NFIB: variants seen among roughly 807,000 people sequenced by gnomAD.
NFIB encodes nuclear factor I B.
A neutral mutation model predicts 61.5 loss-of-function variants in NFIB; 11 were observed. The observed-to-expected ratio is 0.18, with a 90% confidence interval of 0.11 to 0.30. The LOEUF is 0.30. Ranked by LOEUF, NFIB falls within the 10% of genes least tolerant of loss-of-function variation. NFIB has a pLI of 1.00. For missense variants in NFIB, 471 were observed against 608.9 expected, an observed-to-expected ratio of 0.77 and a Z score of 2.38; for synonymous variants, 260 against 216.5, an observed-to-expected ratio of 1.20 and a Z score of -1.76.
intron 1 of NFIB, among the ~76,000 whole-genome samples, chr9:14,331,700 C>T (rs1480235563): frequency 6.6e-6 from 1 of 152,188 alleles, no homozygotes; most frequent in African/African-American, 2.4e-5. Context: ...CAAATCCTGA[C>T]TTAGCCACGC....
the NFIB span, among the ~76,000 whole-genome samples, chr9:14,465,841 C>A: frequency 6.6e-6 from 1 of 152,286 alleles, no homozygotes; most frequent in South Asian, 2.1e-4. Flanking sequence ...AGCATCCCTG[C>A]ACCCTACCCA....
chr9:14,469,562 A>G, the NFIB span, among the ~76,000 whole-genome samples: 2 of 152,168 alleles, frequency 1.3e-5, no homozygotes, highest in African/African-American at 2.4e-5. Flanking sequence ...CTCTGCATGC[A>G]TGCTCCTAAA....
chr9:14,151,637 T>A lies in NFIB; in HGVS notation c.686-1372A>T, dbSNP rs151041135. Reference sequence around the variant, plus strand: ...ATAGCTGGCACTGGACTCTGGAGAATGAGTAAGAGATTAGAGGGAGGTCAT... The same window carrying A: ...ATAGCTGGCACTGGACTCTGGAGAAAGAGTAAGAGATTAGAGGGAGGTCAT... On this transcript the variant is annotated intron_variant, in intron 4 of 10. Coordinates refer to ENST00000380953, the MANE Select transcript of NFIB (RefSeq NM_001190737.2). Among the ~76,000 whole-genome samples the A allele has an allele frequency of 4.0e-3, 612 of 152,230 alleles. 21 individuals carry two copies. In the East Asian group the frequency reaches 0.056, roughly 14 times the overall value.
chr9:14,100,428 G>A lies in NFIB; in HGVS notation c.1468-12102C>T, dbSNP rs1314805349. ...AGTTTTTATTTAAAAAATTACTGTG[G>A]CCGGGCGCGGTGGCTCACGCCTGTA... On this transcript the variant is annotated intron_variant, in intron 10 of 10. Coordinates refer to ENST00000380953, the MANE Select transcript of NFIB (RefSeq NM_001190737.2). Among the ~76,000 whole-genome samples, 4 of 152,170 alleles carry A rather than the reference G, an allele frequency of 2.6e-5. No homozygotes were observed. The East Asian group carries it at 5.8e-4, about 22-fold the overall frequency.
At chr9:14,348,145 G>A (rs1420335550) in intron 1 of NFIB, among the ~76,000 whole-genome samples, 2 of 152,238 alleles carry the variant, frequency 1.3e-5, no homozygotes, top group African/African-American at 4.8e-5. Flanking sequence ...GCGTGAGGCC[G>A]CCGCGGCCCA....
At chr9:14,398,678 C>T (rs1456775360) in exon 1 of NFIB, 4 of 1,352,538 alleles carry the variant, frequency 3.0e-6, no homozygotes, top group Non-Finnish European at 4.0e-6. Context: ...CTGCTTCTGC[C>T]ATTTGCGCTG....
chr9:14,245,265 C>A (rs1236787254), intron 2 of NFIB, among the ~76,000 whole-genome samples: 2 of 152,136 alleles, frequency 1.3e-5, no homozygotes, highest in Non-Finnish European at 2.9e-5. Flanking sequence ...CAGTCACACC[C>A]AACTCCTTCT....
intron 2 of NFIB, among the ~76,000 whole-genome samples, chr9:14,189,753 C>A (rs779991295): frequency 1.5e-4 from 22 of 150,046 alleles, no homozygotes; most frequent in Non-Finnish European, 2.8e-4. Flanking sequence ...ACTGCCCTAG[C>A]ATATTCCTGG....
chr9:14,115,862 C>T (rs1194752444), intron 9 of NFIB, among the ~76,000 whole-genome samples: 4 of 152,136 alleles, frequency 2.6e-5, no homozygotes, highest in Admixed American at 6.5e-5. Flanking sequence ...TTGGGTGATA[C>T]GAAAACTTTG....
chr9:14,406,536 G>T, the NFIB span, among the ~76,000 whole-genome samples: 1 of 152,278 alleles, frequency 6.6e-6, no homozygotes, highest in Middle Eastern at 3.4e-3. Context: ...GTGTGTGATT[G>T]TGCTGTGTGT....
the NFIB span, among the ~76,000 whole-genome samples, chr9:14,428,693 G>A: frequency 1.6e-4 from 24 of 152,162 alleles, no homozygotes; most frequent in Admixed American, 3.3e-4. Context: ...GCCTTTGAAC[G>A]TTGACATTCA....
the NFIB span, among the ~76,000 whole-genome samples, chr9:14,471,908 A>G: frequency 6.6e-6 from 1 of 152,194 alleles, no homozygotes; most frequent in Non-Finnish European, 1.5e-5. Context: ...TTAGGCAGGC[A>G]TATAGTCCAG....
At chr9:14,145,924 G>A (rs947914181) in intron 6 of NFIB, among the ~76,000 whole-genome samples, 4 of 151,706 alleles carry the variant, frequency 2.6e-5, no homozygotes, top group Non-Finnish European at 5.9e-5. Flanking sequence ...ACATGTTTAT[G>A]CTGCTGACAT....
chr9:14,263,947 A>G (rs1158428278), intron 2 of NFIB, among the ~76,000 whole-genome samples: 2 of 152,222 alleles, frequency 1.3e-5, no homozygotes, highest in Non-Finnish European at 2.9e-5. Flanking sequence ...AGCAACCCTG[A>G]AAAAGTTCCC....
chr9:14,381,527 A>T (rs982476779), intron 1 of NFIB, among the ~76,000 whole-genome samples: 1 of 152,230 alleles, frequency 6.6e-6, no homozygotes, highest in African/African-American at 2.4e-5. Flanking sequence ...TTTTTTAAAT[A>T]GTAATTATCA....
At chr9:14,149,333 T>C (rs1587045167) in intron 5 of NFIB, among the ~76,000 whole-genome samples, 2 of 152,184 alleles carry the variant, frequency 1.3e-5, no homozygotes, top group Non-Finnish European at 2.9e-5. Flanking sequence ...CCTTTTATTT[T>C]TAAAAAGTTG....
At chr9:14,442,656 A>T in the NFIB span, among the ~76,000 whole-genome samples, 1 of 151,940 alleles carries the variant, frequency 6.6e-6, no homozygotes, top group African/African-American at 2.4e-5. Context: ...CTCTGTCTTC[A>T]TCTTTGCGTG....
chr9:14,434,286 A>G, the NFIB span, among the ~76,000 whole-genome samples: 51,460 of 152,004 alleles, frequency 0.34, 9,620 homozygotes, highest in Admixed American at 0.49. Flanking sequence ...TAACAAGACT[A>G]AGAGATACCA....
chr9:14,388,152 A>G (rs1476793753), intron 1 of NFIB, among the ~76,000 whole-genome samples: 2 of 152,216 alleles, frequency 1.3e-5, no homozygotes, highest in Admixed American at 6.5e-5. Flanking sequence ...ATAGGATACT[A>G]CAGTTAATAT....
Sources: gnomAD v4.1 joint callset for allele counts (sites outside exome capture counted in the v4.1 genomes callset) on GRCh38, gnomAD v4.1.1 for gene constraint, MANE v1.5 for transcripts, NCBI Gene and HGNC (gene_info 2026-07-23, HGNC 2026-07-21) for gene names.